The following DCAF1 variants were observed in gnomAD, a reference collection of about 807,000 sequenced individuals.
DCAF1 encodes DDB1 and CUL4 associated factor 1, also known as DDB1- and CUL4-associated factor 1.
In DCAF1, 15 loss-of-function variants were observed where a neutral mutation model predicts 128.0. The ratio of observed to expected loss-of-function variants is 0.12; its 90% CI spans 0.08 to 0.18. The LOEUF (loss-of-function observed/expected upper bound fraction) is 0.18. Ranked by LOEUF, DCAF1 falls within the 10% of genes least tolerant of loss-of-function variation. DCAF1 has a pLI of 1.00. For synonymous variants in DCAF1, 610 were observed against 603.0 expected, an observed-to-expected ratio of 1.01 and a Z score of -0.17; for missense variants, 988 against 1,649.5, an observed-to-expected ratio of 0.60 and a Z score of 6.95.
Position 51,441,514 on chromosome 3 carries a change from C to T in DCAF1, c.897G>A (p.Leu299=). 2.5e-6 allele frequency: 4 copies of T among 1,614,026 alleles called. No individual in the cohort carries two copies. The highest frequency in any genetic ancestry group is 1.7e-5 in the Admixed American group (1 of 60,026). Reference sequence around the variant, plus strand: ...ACATTTCTGACCAACTGCTATTAGACAGCTCAACAAACATGCGATCTGGAT... The same window carrying T: ...ACATTTCTGACCAACTGCTATTAGATAGCTCAACAAACATGCGATCTGGAT... ...SSDPDRMFVE[L]SNSSWSEMSP... The change falls in exon 8 of 25, where the codon CTG becomes CTA. Residue 299 remains leucine, a synonymous_variant. Coordinates refer to ENST00000684031, the MANE Select transcript of DCAF1 (RefSeq NM_001387579.1).
At chr3:51,426,009 C>T (rs555659179) in intron 13 of DCAF1, among the ~76,000 whole-genome samples, 1 of 152,140 alleles carries the variant, frequency 6.6e-6, no homozygotes, top group East Asian at 1.9e-4. Flanking sequence ...AAGCTATTTT[C>T]GTAATAATAA....
chr3:51,409,233 A>G (rs531628130), intron 23 of DCAF1, among the ~76,000 whole-genome samples: 2 of 152,334 alleles, frequency 1.3e-5, no homozygotes, highest in Non-Finnish European at 2.9e-5. Context: ...TAAGAGGAGT[A>G]TAACTCTTAA....
chr3:51,484,820 T>C (rs1389609925), intron 2 of DCAF1, among the ~76,000 whole-genome samples: 2 of 150,826 alleles, frequency 1.3e-5, no homozygotes, highest in Non-Finnish European at 3.0e-5. Flanking sequence ...GTAGCTGGAA[T>C]TACAGGCGCC....
chr3:51,422,501 G>C (rs1486157561), intron 13 of DCAF1, 70 bp from the exon 14 acceptor site: 24 of 707,988 alleles, frequency 3.4e-5, no homozygotes, highest in Middle Eastern at 2.3e-4. Flanking sequence ...CAGAGAGAGA[G>C]ACACACAGAC....
chr3:51,424,897 A>G (rs1419727459), intron 13 of DCAF1, among the ~76,000 whole-genome samples: 2 of 152,222 alleles, frequency 1.3e-5, no homozygotes, highest in Admixed American at 1.3e-4. Context: ...GCAGAAAAAG[A>G]ACTGAGCCAA....
chr3:51,498,886 T>C (rs78245037), intron 1 of DCAF1, among the ~76,000 whole-genome samples: 212 of 152,272 alleles, frequency 1.4e-3, no homozygotes, highest in African/African-American at 5.0e-3. Flanking sequence ...CAGGATGATA[T>C]TACCAATTAA....
At chr3:51,425,396 T>TG (rs567501928) in intron 13 of DCAF1, among the ~76,000 whole-genome samples, 40 of 151,930 alleles carry the variant, frequency 2.6e-4, no homozygotes, top group African/African-American at 8.4e-4. Flanking sequence ...CACTTGAACC[T>TG]GGGAGGTGGA....
intron 3 of DCAF1, 110 bp downstream of exon 3, chr3:51,483,609 T>TTGTGTGTGTG (rs57475291): frequency 0.011 from 5,113 of 475,430 alleles, 40 homozygotes; most frequent in African/African-American, 0.021. Flanking sequence ...TTAAACTAGT[T>TTGTGTGTGTG]TGTGTGTGTG....
At chr3:51,491,112 G>A (rs1396988720) in intron 2 of DCAF1, among the ~76,000 whole-genome samples, 6 of 151,444 alleles carry the variant, frequency 4.0e-5, no homozygotes, top group Non-Finnish European at 5.9e-5. Context: ...CACTTTGGGA[G>A]GTCGAGGCAG....
At chr3:51,471,189 C>CTT (rs201168888) in intron 3 of DCAF1, among the ~76,000 whole-genome samples, 184 bp from the exon 4 acceptor site, 6 of 139,934 alleles carry the variant, frequency 4.3e-5, no homozygotes, top group East Asian at 2.1e-4. Flanking sequence ...CAAACTCATT[C>CTT]TTTTTTTTTT....
intron 6 of DCAF1, among the ~76,000 whole-genome samples, chr3:51,449,405 C>T (rs112175298): frequency 1.3e-3 from 199 of 152,228 alleles, no homozygotes; most frequent in African/African-American, 4.4e-3. Flanking sequence ...TGGGGTTTCA[C>T]CATGTTGCCC....
chr3:51,427,022 G>A lies in DCAF1; in HGVS notation c.1847+350C>T, dbSNP rs117052988. On this transcript the variant is annotated intron_variant, in intron 13 of 24. Coordinates refer to ENST00000684031, the MANE Select transcript of DCAF1 (RefSeq NM_001387579.1). ...TATAAACATTATATATGGTTGTCAA[G>A]TAGTAGCAAGACACTTTAAGTACTA... Among the ~76,000 whole-genome samples the A allele has an allele frequency of 7.5e-3, 1,149 of 152,222 alleles. 37 individuals carry two copies. The highest frequency in any genetic ancestry group is 0.063 in the Admixed American group (963 of 15,282).
chr3:51,479,532 T>C (rs1705900593), intron 3 of DCAF1, among the ~76,000 whole-genome samples: 1 of 151,924 alleles, frequency 6.6e-6, no homozygotes, highest in Non-Finnish European at 1.5e-5. Flanking sequence ...CTCACGCCTG[T>C]AATCTCAGCA....
At chr3:51,498,907 T>A (rs151267341) in intron 1 of DCAF1, among the ~76,000 whole-genome samples, 189 of 152,326 alleles carry the variant, frequency 1.2e-3, no homozygotes, top group African/African-American at 4.4e-3. Context: ...CCTCTCATTC[T>A]GTACATTAAC....
chr3:51,492,048 C>T (rs964488265), intron 2 of DCAF1, among the ~76,000 whole-genome samples: 8 of 150,146 alleles, frequency 5.3e-5, no homozygotes, highest in Non-Finnish European at 1.0e-4. Flanking sequence ...CCCAGCTACT[C>T]GGGGGGGCTG....
At chr3:51,470,730 T>A (rs1553648128) in intron 4 of DCAF1, among the ~76,000 whole-genome samples, 199 bp downstream of exon 4, 22 of 152,156 alleles carry the variant, frequency 1.4e-4, no homozygotes. Flanking sequence ...AGAAATTTAT[T>A]TTTCCTCACT....
downstream of DCAF1, chr3:51,396,750 CCT>C (rs1331312085): frequency 3.0e-5 from 5 of 167,118 alleles, no homozygotes; most frequent in Admixed American, 3.3e-4. Context: ...TGTTATAGTC[CCT>C]GTCTCCCCCA....
At position 51,418,678 on chromosome 3, in the gene DCAF1, C is replaced by T; in HGVS notation, c.3435G>A (p.Arg1145=). The change falls in exon 16 of 25, where the codon AGG becomes AGA. Residue 1145 remains arginine, a splice_region_variant and synonymous_variant. Transcript: ENST00000684031. ...NSAITHLEPS[R]DGSLLLTSAT... The stretch of plus-strand genomic sequence containing the variant: ...GAGCATCCTAGGAAGGAACCCTTAC[C>T]CTGGAAGGTTCAAGATGTGTGATGG... 1 of 1,609,430 alleles carries T rather than the reference C, an allele frequency of 6.2e-7. No individual in the cohort carries two copies. The highest frequency in any genetic ancestry group is 8.5e-7 in the Non-Finnish European group (1 of 1,177,742).
chr3:51,502,983 A>G (rs1708854880), upstream of DCAF1, among the ~76,000 whole-genome samples: 2 of 152,158 alleles, frequency 1.3e-5, no homozygotes, highest in African/African-American at 4.8e-5. Context: ...CTCACAACAA[A>G]TACTTTCACA....
Sources: allele counts gnomAD v4.1 joint callset (sites outside exome capture counted in the v4.1 genomes callset), GRCh38; gene constraint gnomAD v4.1.1; transcripts MANE v1.5; gene names NCBI Gene and HGNC (gene_info 2026-07-23, HGNC 2026-07-21).